The following NEDD4 variants were observed in gnomAD, a reference collection of about 807,000 sequenced individuals.
NEDD4 encodes NEDD4 E3 ubiquitin protein ligase.
In NEDD4, 99 loss-of-function variants were observed where a neutral mutation model predicts 144.9. The ratio of observed to expected loss-of-function variants is 0.68; its 90% CI spans 0.58 to 0.81. NEDD4 has a LOEUF of 0.81. Among genes scored for constraint, NEDD4 ranks in the 30% least tolerant of loss-of-function variants. The pLI is 0.00. For synonymous variants in NEDD4, 318 were observed against 350.6 expected (o/e 0.91, Z 1.04); for missense variants, 985 against 1,065.9 (o/e 0.92, Z 1.06).
intron 14 of NEDD4, among the ~76,000 whole-genome samples, 165 bp downstream of exon 14, chr15:55,850,377 A>T (rs558137586): frequency 6.6e-6 from 1 of 152,340 alleles, no homozygotes; most frequent in South Asian, 2.1e-4. Context: ...AAAGACGCAT[A>T]AGCATTCTCC....
intron 11 of NEDD4, among the ~76,000 whole-genome samples, chr15:55,858,746 G>T (rs867405674): frequency 2.6e-5 from 4 of 152,212 alleles, no homozygotes; most frequent in African/African-American, 9.6e-5. Flanking sequence ...TCATATTCAC[G>T]TACAACTATC....
chr15:55,849,622 A>G (rs2033897525), intron 14 of NEDD4, among the ~76,000 whole-genome samples: 1 of 152,064 alleles, frequency 6.6e-6, no homozygotes, highest in South Asian at 2.1e-4. Flanking sequence ...AAGGTTATCA[A>G]AGGCCAATTC....
At chr15:55,892,529 TCA>T (rs1375394084) in intron 5 of NEDD4, among the ~76,000 whole-genome samples, 2 of 152,026 alleles carry the variant, frequency 1.3e-5, no homozygotes, top group Non-Finnish European at 2.9e-5. Flanking sequence ...ATTTGTTTTT[TCA>T]GTTTTCAGAT....
chr15:55,904,252 T>C (rs747992988), intron 5 of NEDD4, among the ~76,000 whole-genome samples: 2 of 152,160 alleles, frequency 1.3e-5, no homozygotes, highest in Non-Finnish European at 2.9e-5. Context: ...TAAACTCTAC[T>C]AGAAGGCTGT....
chr15:55,838,225 A>C, intron 22 of NEDD4, 45 bp from the exon 23 acceptor site: 1 of 1,368,496 alleles, frequency 7.3e-7, no homozygotes, highest in Non-Finnish European at 1.0e-6. Flanking sequence ...TAGCGAGAAA[A>C]ATTTAAAAAG....
chr15:55,962,996 G>A (rs1374135744), intron 2 of NEDD4, among the ~76,000 whole-genome samples: 1 of 152,006 alleles, frequency 6.6e-6, no homozygotes, highest in East Asian at 1.9e-4. Context: ...TGTTGGCCAG[G>A]CTGGTCTCAA....
At position 55,860,706 on chromosome 15, in the gene NEDD4, C is replaced by T. The variant is rs751347463; in HGVS notation, c.747G>A (p.Gln249=). 5 of 1,614,062 alleles carry T rather than the reference C, an allele frequency of 3.1e-6. No homozygotes were observed. In the South Asian group the frequency reaches 5.5e-5, roughly 18 times the overall value. The change falls in exon 10 of 29, where the codon CAG becomes CAA. Residue 249 remains glutamine, a synonymous_variant. Transcript: ENST00000435532. ...QAQRAFTTRR[Q]ISEETESVDN... ...CAACACTTTCTGTTTCCTCGGATAT[C>T]TGCCGCCTGGTGGTAAATGCACGTT... is the stretch of plus-strand genomic sequence containing the variant.
chr15:55,875,123 A>G (rs1033747429), intron 5 of NEDD4, among the ~76,000 whole-genome samples: 2 of 152,112 alleles, frequency 1.3e-5, no homozygotes, highest in Admixed American at 1.3e-4. Flanking sequence ...TAGGAAGAGA[A>G]AAAGTAATTA....
chr15:55,951,601 A>G lies in NEDD4; in HGVS notation c.120-12T>C. 1 of 1,464,326 alleles carries G rather than the reference A, an allele frequency of 6.8e-7. No individual in the cohort carries two copies. The highest frequency in any genetic ancestry group is 1.5e-5 in the South Asian group (1 of 67,420). The allele number at this position is 1,464,326 out of a possible 1,614,324, so 90.7% of individuals were successfully genotyped here. On this transcript the variant is annotated splice_polypyrimidine_tract_variant and intron_variant, in intron 2 of 28. Coordinates refer to ENST00000435532, the MANE Select transcript of NEDD4 (RefSeq NM_006154.4). The stretch of plus-strand genomic sequence containing the variant: ...TCACGTAAGGATCACTGTTAAAAAA[A>G]AAAAAAAAAAGAAAGAAAAATTTTA...
chr15:55,913,218 C>T (rs1333954202), intron 5 of NEDD4, among the ~76,000 whole-genome samples: 5 of 151,978 alleles, frequency 3.3e-5, no homozygotes, highest in Non-Finnish European at 7.4e-5. Flanking sequence ...AATGTGAATC[C>T]GGACTCAGCA....
At chr15:55,837,757 T>C (rs1268419968) in intron 24 of NEDD4, 32 bp downstream of exon 24, 2 of 1,553,936 alleles carry the variant, frequency 1.3e-6, no homozygotes, top group African/African-American at 1.4e-5. Flanking sequence ...TACTGTGACA[T>C]TATGGAAGAG....
rs1191609856 is a variant in NEDD4 at position 55,955,000 on chromosome 15, T to TTGCAC, written c.120-3416_120-3412dup. ...TTGCACTGCACTGCATTGTATTGCA[T>TTGCAC]TGCACTGCACTGCACTGCACTGCAT... On this transcript the variant is annotated intron_variant, in intron 2 of 28. Transcript: ENST00000435532. 7.9e-5 allele frequency among the ~76,000 whole-genome samples: 12 copies of TTGCAC among 152,214 alleles called. 1 individual carries two copies. The South Asian group carries it at 1.2e-3, about 16-fold the overall frequency.
intron 5 of NEDD4, among the ~76,000 whole-genome samples, chr15:55,883,736 AAGAG>A (rs373217200): frequency 6.6e-6 from 1 of 150,648 alleles, no homozygotes; most frequent in East Asian, 2.0e-4. Context: ...CAGAAAGAGA[AAGAG>A]AGAGAGAGAG....
At chr15:55,963,150 G>C (rs79913977) in intron 2 of NEDD4, among the ~76,000 whole-genome samples, 11 of 85,942 alleles carry the variant, frequency 1.3e-4, no homozygotes, top group African/African-American at 3.9e-4. Context: ...TTTTTTTTTT[G>C]AGACAGGGTC....
chr15:55,959,879 C>T (rs1432512825), intron 2 of NEDD4, among the ~76,000 whole-genome samples: 1 of 152,226 alleles, frequency 6.6e-6, no homozygotes, highest in Non-Finnish European at 1.5e-5. Context: ...CCTACCAATA[C>T]CTTAATGACA....
chr15:55,894,379 A>G (rs1397284285), intron 5 of NEDD4, among the ~76,000 whole-genome samples: 2 of 152,132 alleles, frequency 1.3e-5, no homozygotes, highest in African/African-American at 4.8e-5. Context: ...GTTACATGCA[A>G]ATTTTATACC....
intron 1 of NEDD4, among the ~76,000 whole-genome samples, chr15:55,983,752 AG>A (rs1467524791): frequency 6.6e-6 from 1 of 151,872 alleles, no homozygotes; most frequent in African/African-American, 2.4e-5. Context: ...CTGAGACTAC[AG>A]GTATATGCTA....
intron 5 of NEDD4, among the ~76,000 whole-genome samples, chr15:55,885,115 A>T (rs912813944): frequency 1.3e-5 from 2 of 152,222 alleles, no homozygotes; most frequent in African/African-American, 4.8e-5. Context: ...TTTCAGTGGA[A>T]ACCTTATTAC....
intron 21 of NEDD4, among the ~76,000 whole-genome samples, chr15:55,840,002 ATATATATATATATATATATATATAT>A (rs2033421782): frequency 4.8e-5 from 1 of 20,798 alleles, no homozygotes; most frequent in South Asian, 2.2e-3. Flanking sequence ...AAAAAAAAAT[ATATATATATATATATATATATATAT>A]ATATATATAT....
Sources: allele counts gnomAD v4.1 joint callset (sites outside exome capture counted in the v4.1 genomes callset), GRCh38; gene constraint gnomAD v4.1.1; transcripts MANE v1.5; gene names NCBI Gene and HGNC (gene_info 2026-07-23, HGNC 2026-07-21).